Variants in SERPINB8 observed in about 807,000 individuals in gnomAD.
SERPINB8 encodes serpin B8.
Under a neutral mutation model 35.3 loss-of-function variants are expected in SERPINB8, and 25 were observed. The observed-to-expected ratio is 0.71, with a 90% CI of 0.52 to 0.99. The LOEUF (loss-of-function observed/expected upper bound fraction) is 0.99, where lower values mean the gene tolerates loss of function less well. SERPINB8 is among the 50% of genes least tolerant of loss of function. The pLI is 0.00. For missense variants in SERPINB8, 484 were observed against 446.5 expected (o/e 1.08, Z -0.76); for synonymous variants, 186 against 160.8 (o/e 1.16, Z -1.19).
chr18:63,986,259 A>G (rs2050751976), intron 6 of SERPINB8: 1 of 1,610,444 alleles, frequency 6.2e-7, no homozygotes, highest in Non-Finnish European at 8.5e-7. Flanking sequence ...GATAAATAGA[A>G]AGAGTGATGG....
downstream of SERPINB8, among the ~76,000 whole-genome samples, chr18:64,006,802 T>C (rs72945649): frequency 0.066 from 10,087 of 152,110 alleles, 473 homozygotes; most frequent in Non-Finnish European, 0.11. Context: ...AATGACAAAA[T>C]AAAGTAAAAT....
In SERPINB8 at chr18:63,988,749, C is replaced by CT. The variant is rs1344499372; in HGVS notation, c.*1472dup. On this transcript the variant is annotated 3_prime_UTR_variant, in exon 7 of 7. Coordinates refer to ENST00000397985, the MANE Select transcript of SERPINB8 (RefSeq NM_002640.4). Reference sequence around the variant, plus strand: ...TAAATTTGACCAAGCCAGGATATATCTGTTAGGCCACATTCATTTAGGGAT... The same window carrying CT: ...TAAATTTGACCAAGCCAGGATATATCTTGTTAGGCCACATTCATTTAGGGAT... The CT allele has an allele frequency of 6.6e-6, 1 of 151,386 alleles. No homozygotes were observed. Among genetic ancestry groups the CT allele is most frequent in the Admixed American group, 6.6e-5 (1 of 15,236 alleles). The allele number at this position is 151,386 out of a possible 1,614,324, so 9.4% of individuals were successfully genotyped here.
rs768850825 is a variant in SERPINB8, at chr18:63,987,080, T to C, written c.927T>C (p.Pro309=). The change falls in exon 7 of 7, where the codon CCT becomes CCC. Residue 309 remains proline, a synonymous_variant. Transcript: ENST00000397985. ...GAATGTCAACTGAGAAGAATGTGCCTCTGTCCAAGGTTGCCCACAAGTGCT... is the reference window on the plus strand; with the variant it reads ...GAATGTCAACTGAGAAGAATGTGCCCCTGTCCAAGGTTGCCCACAAGTGCT... ...FSGMSTEKNV[P]LSKVAHKCFV... The C allele has an allele frequency of 9.9e-6, 16 of 1,614,106 alleles. No homozygotes were observed. In the East Asian group the frequency reaches 3.6e-4, roughly 36 times the overall value.
At chr18:64,000,325 G>T (rs563020475) in intron 1 of SERPINB8, among the ~76,000 whole-genome samples, 13 of 152,106 alleles carry the variant, frequency 8.5e-5, no homozygotes, top group Non-Finnish European at 1.5e-4. Flanking sequence ...TCATAATCCC[G>T]CAAATTCCAT....
chr18:64,013,714 C>G (rs1167976642), intron 7 of SERPINB8, among the ~76,000 whole-genome samples: 1 of 152,158 alleles, frequency 6.6e-6, no homozygotes, highest in East Asian at 1.9e-4. Context: ...GGGAAACCCT[C>G]TTTGAGAAAG....
chr18:64,015,701 T>G (rs2050946722), intron 7 of SERPINB8, among the ~76,000 whole-genome samples: 1 of 152,228 alleles, frequency 6.6e-6, no homozygotes. Context: ...AACATTTGTT[T>G]CATCTTCATC....
downstream of SERPINB8, among the ~76,000 whole-genome samples, chr18:63,991,543 GT>G (rs140763221): frequency 0.02 from 3,047 of 151,454 alleles, 93 homozygotes; most frequent in African/African-American, 0.07. Flanking sequence ...TATAATACAG[GT>G]TTTTTTTTGT....
At chr18:63,991,315 T>C (rs922808038), downstream of SERPINB8, among the ~76,000 whole-genome samples, 1 of 152,244 alleles carries the variant, frequency 6.6e-6, no homozygotes, top group Non-Finnish European at 1.5e-5. Context: ...AGAATAGACA[T>C]ACTAGCAATA....
At chr18:64,016,450 A>G (rs1212717799) in intron 7 of SERPINB8, among the ~76,000 whole-genome samples, 1 of 152,040 alleles carries the variant, frequency 6.6e-6, no homozygotes, top group Admixed American at 6.6e-5. Flanking sequence ...TTTGTTTTTT[A>G]TTTGTTTATT....
intron 1 of SERPINB8, among the ~76,000 whole-genome samples, chr18:63,994,858 G>A (rs956724016): frequency 4.6e-5 from 7 of 152,156 alleles, no homozygotes; most frequent in African/African-American, 1.4e-4. Context: ...AACCTCATAA[G>A]GCCAGCTCAG....
chr18:63,980,691 T>C (rs2050657425), intron 3 of SERPINB8, among the ~76,000 whole-genome samples: 1 of 152,208 alleles, frequency 6.6e-6, no homozygotes, highest in Non-Finnish European at 1.5e-5. Flanking sequence ...GATGAATCCA[T>C]TTCATTTTTG....
At chr18:63,989,817 C>T (rs1020071015), downstream of SERPINB8, among the ~76,000 whole-genome samples, 8 of 150,254 alleles carry the variant, frequency 5.3e-5, no homozygotes, top group Non-Finnish European at 1.2e-4. Flanking sequence ...GTGGTGGGCG[C>T]CTGTAGTCCC....
intron 1 of SERPINB8, among the ~76,000 whole-genome samples, chr18:64,002,042 A>G (rs778057679): frequency 1.3e-5 from 2 of 152,160 alleles, no homozygotes; most frequent in Non-Finnish European, 2.9e-5. Flanking sequence ...GTGAGGGAGA[A>G]TGTGAGTCTC....
At chr18:63,977,400 C>T (rs867689607) in intron 1 of SERPINB8, among the ~76,000 whole-genome samples, 89 of 151,932 alleles carry the variant, frequency 5.9e-4, no homozygotes, top group Middle Eastern at 3.4e-3. Flanking sequence ...GATCTCGGCT[C>T]TCTGCAGCCT....
chr18:63,997,399 G>A (rs1372480822), intron 1 of SERPINB8, among the ~76,000 whole-genome samples: 3 of 152,156 alleles, frequency 2.0e-5, no homozygotes, highest in Non-Finnish European at 4.4e-5. Flanking sequence ...CAACTCAATG[G>A]CAAGGACTCA....
chr18:64,013,361 GA>G (rs2050934692), intron 7 of SERPINB8, among the ~76,000 whole-genome samples: 1 of 152,066 alleles, frequency 6.6e-6, no homozygotes, highest in Non-Finnish European at 1.5e-5. Context: ...AGCTACCATG[GA>G]ATACCCTCCT....
intron 4 of SERPINB8, 60 bp from the exon 5 acceptor site, chr18:63,983,519 T>A: frequency 6.4e-7 from 1 of 1,559,274 alleles, no homozygotes; most frequent in Middle Eastern, 1.7e-4. Flanking sequence ...GTCAAAGGGA[T>A]TTTTGTAAAA....
intron 5 of SERPINB8, 64 bp from the exon 6 acceptor site, chr18:63,985,029 A>T: frequency 1.3e-6 from 2 of 1,535,728 alleles, no homozygotes; most frequent in Non-Finnish European, 1.8e-6. Flanking sequence ...TGTGAGTTAG[A>T]TATATCCTAT....
At chr18:64,015,689 C>T (rs760599102) in intron 7 of SERPINB8, among the ~76,000 whole-genome samples, 5 of 152,150 alleles carry the variant, frequency 3.3e-5, no homozygotes, top group Admixed American at 6.5e-5. Flanking sequence ...GTTTTCTGTT[C>T]TAACATTTGT....
Sources: gnomAD v4.1 joint callset for allele counts (sites outside exome capture counted in the v4.1 genomes callset) on GRCh38, gnomAD v4.1.1 for gene constraint, MANE v1.5 for transcripts, NCBI Gene and HGNC (gene_info 2026-07-23, HGNC 2026-07-21) for gene names.